COL22A1: variants seen among roughly 807,000 people sequenced by gnomAD.
COL22A1 encodes the protein collagen type XXII alpha 1 chain.
A neutral mutation model predicts 248.9 loss-of-function variants in COL22A1; 221 were observed. The ratio of observed to expected loss-of-function variants is 0.89; its 90% CI spans 0.80 to 0.99. COL22A1 has a LOEUF of 0.99. COL22A1 is among the 50% of genes least tolerant of loss of function. The probability of loss-of-function intolerance (pLI) is 0.00; values close to 1 mark genes in which losing one functional copy is unlikely to be tolerated. For synonymous variants in COL22A1, 891 were observed against 793.4 expected (o/e 1.12, Z -2.07); for missense variants, 2,240 against 2,179.0 (o/e 1.03, Z -0.56).
chr8:138,834,973 C>A (rs539099975), intron 4 of COL22A1, among the ~76,000 whole-genome samples: 1 of 152,236 alleles, frequency 6.6e-6, no homozygotes, highest in Non-Finnish European at 1.5e-5. Context: ...GTGTGCAATA[C>A]AATTCCAGGC....
intron 32 of COL22A1, among the ~76,000 whole-genome samples, chr8:138,696,442 T>G (rs1233722798): frequency 1.4e-5 from 2 of 142,798 alleles, no homozygotes; most frequent in Non-Finnish European, 3.0e-5. Context: ...ATGTCTACAT[T>G]AGAGAACCTG....
Position 138,716,223 on chromosome 8 carries a change from T to A in COL22A1, c.2463+4A>T. The A allele has an allele frequency of 6.3e-7, 1 of 1,579,988 alleles. No homozygotes were observed. Among genetic ancestry groups the A allele is most frequent in the Non-Finnish European group, 8.6e-7 (1 of 1,160,476 alleles). ...TGTGGGAGGAAGGAAGCTGCCACAC[T>A]TACCTGGTCTCCTTTCTCTCCTCTC... On this transcript the variant is annotated splice_donor_region_variant and intron_variant, in intron 29 of 64. Transcript: ENST00000303045.
chr8:138,850,211 C>T (rs1821529026), intron 3 of COL22A1, among the ~76,000 whole-genome samples: 1 of 152,172 alleles, frequency 6.6e-6, no homozygotes, highest in Non-Finnish European at 1.5e-5. Context: ...CAGAGTGTAT[C>T]AGCACCAGCT....
At position 138,735,105 on chromosome 8, in the gene COL22A1, A is replaced by G. The variant is rs189885128; in HGVS notation, c.2139+2419T>C. On this transcript the variant is annotated intron_variant, in intron 23 of 64. Coordinates refer to ENST00000303045, the MANE Select transcript of COL22A1 (RefSeq NM_152888.3). ...CCTAGATGACGGGTTGATAGGTGCAACAAACCACCATGGTACATGCATACC... is the reference window on the plus strand; with the variant it reads ...CCTAGATGACGGGTTGATAGGTGCAGCAAACCACCATGGTACATGCATACC... 2.3e-3 allele frequency among the ~76,000 whole-genome samples: 356 copies of G among 152,264 alleles called. 2 individuals carry two copies. The highest frequency in any genetic ancestry group is 8.3e-3 in the African/African-American group (344 of 41,526).
rs1266883202 is a variant in COL22A1 at position 138,646,039 on chromosome 8, C to A, written c.3501+590G>T. ...ACCAACAGCTCAAACAGCCCCAGCC[C>A]TAGAACATTTGTTTTGACAGCCAGA... On this transcript the variant is annotated intron_variant, in intron 47 of 64. Coordinates refer to ENST00000303045, the MANE Select transcript of COL22A1 (RefSeq NM_152888.3). Among the ~76,000 whole-genome samples, 75 of 152,146 alleles carry A rather than the reference C, an allele frequency of 4.9e-4. 1 individual carries two copies. Among genetic ancestry groups the A allele is most frequent in the Non-Finnish European group, 5.9e-5 (4 of 68,016 alleles).
intron 21 of COL22A1, among the ~76,000 whole-genome samples, chr8:138,753,648 T>C (rs531059763): frequency 1.3e-5 from 2 of 152,342 alleles, no homozygotes; most frequent in South Asian, 4.1e-4. Flanking sequence ...CATAGCTGCT[T>C]CTTCAGACTC....
intron 22 of COL22A1, among the ~76,000 whole-genome samples, chr8:138,747,222 T>C (rs755698283): frequency 1.3e-5 from 2 of 152,264 alleles, no homozygotes; most frequent in Non-Finnish European, 2.9e-5. Flanking sequence ...TGTTGGTATA[T>C]AGAAAAGAAG....
In COL22A1 at chr8:138,772,049, G is replaced by A. The variant is rs115759897; in HGVS notation, c.1803+3917C>T. 6.5e-3 allele frequency among the ~76,000 whole-genome samples: 986 copies of A among 152,194 alleles called. 9 individuals carry two copies. Among genetic ancestry groups the A allele is most frequent in the African/African-American group, 0.022 (927 of 41,466 alleles). Reference sequence around the variant, plus strand: ...TGGTCCAGGCAGCTTCCTGTTGGCCGTCTCATCCACTCCCAGGGTTTCGTC... The same window carrying A: ...TGGTCCAGGCAGCTTCCTGTTGGCCATCTCATCCACTCCCAGGGTTTCGTC... On this transcript the variant is annotated intron_variant, in intron 16 of 64. Coordinates refer to ENST00000303045, the MANE Select transcript of COL22A1 (RefSeq NM_152888.3).
At chr8:138,889,619 C>T (rs987532426) in intron 1 of COL22A1, among the ~76,000 whole-genome samples, 24 of 152,016 alleles carry the variant, frequency 1.6e-4, no homozygotes, top group East Asian at 1.9e-4. Flanking sequence ...TGCTAAATGA[C>T]GAGTTAGTGG....
At chr8:138,609,706 C>T (rs1442453206) in intron 56 of COL22A1, among the ~76,000 whole-genome samples, 9 of 152,150 alleles carry the variant, frequency 5.9e-5, no homozygotes, top group South Asian at 2.1e-4. Flanking sequence ...ATCTTCCCTT[C>T]GCAGGGAGGA....
intron 45 of COL22A1, among the ~76,000 whole-genome samples, chr8:138,655,636 T>C (rs897046020): frequency 8.5e-5 from 13 of 152,142 alleles, no homozygotes; most frequent in South Asian, 2.1e-4. Flanking sequence ...GCTGGGATAA[T>C]AGGGGTGAGC....
chr8:138,742,893 TGATG>T (rs1305158712), intron 22 of COL22A1, among the ~76,000 whole-genome samples: 1 of 151,102 alleles, frequency 6.6e-6, no homozygotes, highest in East Asian at 2.0e-4. Flanking sequence ...ATGGTAGAGT[TGATG>T]ATGATGGTAG....
chr8:138,691,791 G>GGT (rs140211148), intron 35 of COL22A1, among the ~76,000 whole-genome samples: 3 of 119,222 alleles, frequency 2.5e-5, no homozygotes, highest in Admixed American at 7.9e-5. Context: ...TGTTTGTGGA[G>GGT]GTGTGTGTGT....
intron 3 of COL22A1, among the ~76,000 whole-genome samples, chr8:138,858,402 G>A (rs553165897): frequency 2.6e-5 from 4 of 151,658 alleles, no homozygotes; most frequent in African/African-American, 4.8e-5. Flanking sequence ...TTGTTTAGAG[G>A]CTGGGTCTTG....
chr8:138,684,219 G>A (rs550110740), intron 39 of COL22A1, among the ~76,000 whole-genome samples: 6 of 149,068 alleles, frequency 4.0e-5, no homozygotes, highest in East Asian at 2.0e-4. Context: ...AGCTGAGATC[G>A]CACCACTGCA....
At chr8:138,863,022 G>A (rs1822601591) in intron 3 of COL22A1, among the ~76,000 whole-genome samples, 1 of 152,210 alleles carries the variant, frequency 6.6e-6, no homozygotes, top group African/African-American at 2.4e-5. Flanking sequence ...AAGAATTCAA[G>A]CCCAGGTCTG....
intron 37 of COL22A1, among the ~76,000 whole-genome samples, chr8:138,686,242 G>T (rs1826337624): frequency 6.6e-6 from 1 of 152,270 alleles, no homozygotes; most frequent in East Asian, 1.9e-4. Context: ...GGGCACCGGG[G>T]TCGGCTTGAG....
chr8:138,773,029 G>A (rs1834519299), intron 16 of COL22A1, among the ~76,000 whole-genome samples: 1 of 152,144 alleles, frequency 6.6e-6, no homozygotes, highest in Admixed American at 6.5e-5. Flanking sequence ...CTGGGGACAG[G>A]CCCCCCAGTT....
intron 44 of COL22A1, 127 bp downstream of exon 44, chr8:138,660,309 T>A (rs969460961): frequency 1.3e-6 from 1 of 752,616 alleles, no homozygotes; most frequent in Non-Finnish European, 2.3e-6. Flanking sequence ...CATATTAGTT[T>A]CCTCTGCCCA....
Sources: allele counts gnomAD v4.1 joint callset (sites outside exome capture counted in the v4.1 genomes callset), GRCh38; gene constraint gnomAD v4.1.1; transcripts MANE v1.5; gene names NCBI Gene and HGNC (gene_info 2026-07-23, HGNC 2026-07-21).